RPS6KL1: variants seen among roughly 807,000 people sequenced by gnomAD.
RPS6KL1 encodes the protein ribosomal protein S6 kinase like 1, also known as ribosomal protein S6 kinase-like 1.
Under a neutral mutation model 57.0 loss-of-function variants are expected in RPS6KL1, and 41 were observed. That is an observed-to-expected ratio of 0.72 (90% CI 0.56 to 0.93). The LOEUF (loss-of-function observed/expected upper bound fraction) is 0.93, where lower values mean the gene tolerates loss of function less well. Ranked by LOEUF, RPS6KL1 falls within the 40% of genes least tolerant of loss-of-function variation. The pLI, the probability that RPS6KL1 is intolerant of heterozygous loss-of-function variation, is 0.00. For synonymous variants in RPS6KL1, 287 were observed against 309.7 expected (o/e 0.93, Z 0.77); for missense variants, 697 against 727.7 (o/e 0.96, Z 0.49).
rs754755884 is a variant in RPS6KL1, at chr14:74,909,666, T to TCCAGGTCC, written c.1146_1147insGGACCTGG (p.Ser383GlyfsTer5). On this transcript the variant is annotated frameshift_variant, in exon 8 of 12. Coordinates refer to ENST00000557413, the MANE Select transcript of RPS6KL1 (RefSeq NM_031464.5). LOFTEE classifies it high-confidence loss of function. Reference sequence around the variant, plus strand: ...TGCTTCACCTGCTCCTCTCTCACACTCCAGGTGGCCCTGCCACAGCCCCGG... The same window carrying TCCAGGTCC: ...TGCTTCACCTGCTCCTCTCTCACACTCCAGGTCCCCAGGTGGCCCTGCCACAGCCCCGG... The TCCAGGTCC allele has an allele frequency of 1.2e-6, 2 of 1,610,150 alleles. No individual in the cohort carries two copies. Among genetic ancestry groups the TCCAGGTCC allele is most frequent in the Non-Finnish European group, 1.7e-6 (2 of 1,179,912 alleles).
Position 74,908,860 on chromosome 14 carries a change from A to C in RPS6KL1, c.1433T>G (p.Leu478Arg). 1 of 1,614,144 alleles carries C rather than the reference A, an allele frequency of 6.2e-7. No homozygotes were observed. The highest frequency in any genetic ancestry group is 8.5e-7 in the Non-Finnish European group (1 of 1,179,990). ...AGCCCAGCCACTCACCATTCCCGTC[A>C]GCAGTTCATACAGTAGAGACCCAAA... ...WSFGSLLYEL[L>R]TGMALSQSHP... Residue 478 changes from leucine to arginine, a missense_variant, in exon 10 of 12, where the codon CTG becomes CGG. Transcript: ENST00000557413.
At position 74,905,735 on chromosome 14, in the gene RPS6KL1, T is replaced by A. The variant is rs542082503; in HGVS notation, c.*1279A>T. On this transcript the variant is annotated 3_prime_UTR_variant, in exon 12 of 12. Transcript: ENST00000557413. ...GTCATGTACAGGCTGCGCTTTCACT[T>A]GTCTTCTCTGTCTCAGTCTCCTGAA... 6.6e-6 allele frequency: 1 copy of A among 152,266 alleles called. No individual in the cohort carries two copies. Among genetic ancestry groups the A allele is most frequent in the South Asian group, 2.1e-4 (1 of 4,808 alleles). The allele number at this position is 152,266 out of a possible 1,614,324, so 9.4% of individuals were successfully genotyped here.
chr14:74,911,203 C>T (rs1235509195), intron 7 of RPS6KL1, 45 bp downstream of exon 7: 2 of 1,594,790 alleles, frequency 1.3e-6, no homozygotes, highest in Non-Finnish European at 1.7e-6. Context: ...TGACGACATA[C>T]CCCAAAGGCC....
At chr14:74,921,238 T>TGCCCCCCCCCCCCCCCCCCCCCCC in intron 3 of RPS6KL1, 39 bp downstream of exon 3, 21 of 839,820 alleles carry the variant, frequency 2.5e-5, no homozygotes, top group East Asian at 5.3e-5. Flanking sequence ...CACTGGCCCT[T>TGCCCCCCCCCCCCCCCCCCCCCCC]CCCCACCCAC....
intron 6 of RPS6KL1, 195 bp downstream of exon 6, chr14:74,911,594 TGTGTA>T: frequency 7.0e-3 from 2 of 286 alleles, no homozygotes; most frequent in Non-Finnish European, 0.01. Flanking sequence ...TGTGTGTTTG[TGTGTA>T]TGTGTATGTG....
intron 8 of RPS6KL1, 141 bp downstream of exon 8, chr14:74,909,402 T>C (rs1193317982): frequency 3.3e-6 from 4 of 1,198,134 alleles, no homozygotes; most frequent in Non-Finnish European, 4.6e-6. Context: ...GCCAACAGAC[T>C]CCAGCCTAGG....
rs1555375182 is a variant in RPS6KL1 at position 74,906,411 on chromosome 14, G to GGGT, written c.*602_*603insACC. Reference sequence around the variant, plus strand: ...GGGGCATGGTCAGGAATCGGGGGTGGGGGGGTGGGGGTGGGGGTCATCCTG... The same window carrying GGGT: ...GGGGCATGGTCAGGAATCGGGGGTGGGGTGGGGGTGGGGGTGGGGGTCATCCTG... On this transcript the variant is annotated 3_prime_UTR_variant, in exon 12 of 12. Coordinates refer to ENST00000557413, the MANE Select transcript of RPS6KL1 (RefSeq NM_031464.5). The GGGT allele has an allele frequency of 1.8e-5, 6 of 337,786 alleles. No individual in the cohort carries two copies. The highest frequency in any genetic ancestry group is 3.5e-5 in the Admixed American group (1 of 28,954). The allele number at this position is 337,786 out of a possible 1,614,324, so 20.9% of individuals were successfully genotyped here.
intron 5 of RPS6KL1, among the ~76,000 whole-genome samples, chr14:74,914,944 T>C (rs938323498): frequency 6.6e-5 from 10 of 152,258 alleles, no homozygotes; most frequent in Non-Finnish European, 1.3e-4. Flanking sequence ...ACTCCTGACC[T>C]CAGGTGATCC....
intron 5 of RPS6KL1, among the ~76,000 whole-genome samples, chr14:74,915,105 T>A (rs985983871): frequency 2.6e-5 from 4 of 152,194 alleles, no homozygotes; most frequent in African/African-American, 4.8e-5. Context: ...GATGGCAGGA[T>A]TATATGTCTG....
chr14:74,911,987 G>A lies in RPS6KL1; in HGVS notation c.484-146C>T, dbSNP rs539140715. The A allele has an allele frequency of 1.3e-5, 9 of 668,350 alleles. No individual in the cohort carries two copies. In the East Asian group the frequency reaches 2.5e-4, roughly 18 times the overall value. The allele number at this position is 668,350 out of a possible 1,614,324, so 41.4% of individuals were successfully genotyped here. ...GAGGGCGGGCTTTGGTGGCACTCCT[G>A]AAGCAGACATCGATCCTATCCTGCT... On this transcript the variant is annotated intron_variant, in intron 5 of 11. Coordinates refer to ENST00000557413, the MANE Select transcript of RPS6KL1 (RefSeq NM_031464.5).
chr14:74,920,034 C>T (rs1270285241), intron 3 of RPS6KL1, 65 bp from the exon 4 acceptor site: 1 of 1,597,094 alleles, frequency 6.3e-7, no homozygotes, highest in Non-Finnish European at 8.6e-7. Context: ...TTCCAGCTCC[C>T]ATTGCCTGCC....
chr14:74,922,736 C>T (rs1443367829), intron 1 of RPS6KL1, among the ~76,000 whole-genome samples: 1 of 152,232 alleles, frequency 6.6e-6, no homozygotes, highest in African/African-American at 2.4e-5. Flanking sequence ...AAAGCTACCC[C>T]GCCTTTGCTC....
rs763494556 is a variant in RPS6KL1 at position 74,907,438 on chromosome 14, A to AC, written c.1535_1536insG (p.Glu513Ter). ...CTCTGGCCGGGCTACACCTCACCTC[A>AC]GTCAGCAGAGAGGCCGCTGGGCGAC... On this transcript the variant is annotated frameshift_variant, in exon 11 of 12. Transcript: ENST00000557413. LOFTEE classifies it high-confidence loss of function. 6.3e-7 allele frequency: 1 copy of AC among 1,575,544 alleles called. No homozygotes were observed. Among genetic ancestry groups the AC allele is most frequent in the South Asian group, 1.2e-5 (1 of 85,918 alleles).
chr14:74,906,575 C>T lies in RPS6KL1; in HGVS notation c.*439G>A, dbSNP rs1241754693. The T allele has an allele frequency of 1.9e-6, 1 of 529,650 alleles. No individual in the cohort carries two copies. The highest frequency in any genetic ancestry group is 3.9e-6 in the Non-Finnish European group (1 of 258,352). The allele number at this position is 529,650 out of a possible 1,614,324, so 32.8% of individuals were successfully genotyped here. A position where few individuals can be genotyped will look rare whatever the true frequency, so the allele number is the denominator to read the frequency against. On this transcript the variant is annotated 3_prime_UTR_variant, in exon 12 of 12. Transcript: ENST00000557413. ...TAGCCAGGACAGTCTGGTTTGGGTC[C>T]ACTGAGCCAGTGGATCAGTGTCCTG...
chr14:74,907,731 G>C (rs967609845), intron 10 of RPS6KL1, among the ~76,000 whole-genome samples: 2 of 152,228 alleles, frequency 1.3e-5, no homozygotes, highest in African/African-American at 4.8e-5. Context: ...GGCCCAGAGA[G>C]GTAAAGGGAC....
chr14:74,919,607 C>T (rs559259073), intron 4 of RPS6KL1, among the ~76,000 whole-genome samples: 22 of 152,308 alleles, frequency 1.4e-4, no homozygotes, highest in African/African-American at 4.1e-4. Context: ...GGGAGGCAGA[C>T]GACTGGAGAT....
chr14:74,908,421 G>A (rs1287207988), intron 10 of RPS6KL1, among the ~76,000 whole-genome samples: 2 of 152,076 alleles, frequency 1.3e-5, no homozygotes, highest in African/African-American at 4.8e-5. Flanking sequence ...GGCTGGACAG[G>A]GCAGCTGCTT....
Position 74,907,115 on chromosome 14 carries a change from A to C in RPS6KL1, c.1549T>G (p.Phe517Val). ...AASLLTELLQFEPTRRLGMGE... is the reference protein window; with the variant it reads ...AASLLTELLQVEPTRRLGMGE... ...ATGCCCAGGCGCCGGGTAGGCTCGA[A>C]CTGCAGCAGCTGCAGAGAGAGGCCC... is the stretch of plus-strand genomic sequence containing the variant. Residue 517 changes from phenylalanine to valine, a missense_variant, in exon 12 of 12, where the codon TTC (phenylalanine) becomes GTC (valine). Transcript: ENST00000557413. The C allele has an allele frequency of 6.2e-7, 1 of 1,611,066 alleles. No individual in the cohort carries two copies. The highest frequency in any genetic ancestry group is 1.1e-5 in the South Asian group (1 of 90,532).
chr14:74,917,880 C>T (rs987382049), intron 5 of RPS6KL1, among the ~76,000 whole-genome samples: 16 of 152,126 alleles, frequency 1.1e-4, no homozygotes, highest in African/African-American at 3.6e-4. Flanking sequence ...CTCGGTAGAG[C>T]GTCTTGGCTG....
Sources: gnomAD v4.1 joint callset for allele counts (sites outside exome capture counted in the v4.1 genomes callset) on GRCh38, gnomAD v4.1.1 for gene constraint, MANE v1.5 for transcripts, NCBI Gene and HGNC (gene_info 2026-07-23, HGNC 2026-07-21) for gene names.